The following RAB38 variants were observed in gnomAD, a reference collection of about 807,000 sequenced individuals.
The protein encoded by RAB38 is RAB38, member RAS oncogene family, also known as ras-related protein Rab-38.
A neutral mutation model predicts 18.4 loss-of-function variants in RAB38; 15 were observed. That is an observed-to-expected ratio of 0.82 (90% confidence interval 0.55 to 1.26). RAB38 has a LOEUF of 1.26. RAB38 is among the 50% of genes most tolerant of loss of function. The pLI is 0.00. For missense variants in RAB38, 294 were observed against 267.4 expected (o/e 1.10, Z -0.69); for synonymous variants, 101 against 104.4 (o/e 0.97, Z 0.20).
At chr11:87,879,212 T>A in the RAB38 span, among the ~76,000 whole-genome samples, 1 of 151,812 alleles carries the variant, frequency 6.6e-6, no homozygotes, top group East Asian at 2.0e-4. Context: ...AAGTTGAGCA[T>A]AAAAATTTTC....
the RAB38 span, among the ~76,000 whole-genome samples, chr11:87,951,671 C>G: frequency 6.6e-6 from 1 of 152,164 alleles, no homozygotes; most frequent in African/African-American, 2.4e-5. Flanking sequence ...ACTCCAGACC[C>G]TGTTTGCCTG....
chr11:87,946,961 G>T, the RAB38 span, among the ~76,000 whole-genome samples: 6 of 151,102 alleles, frequency 4.0e-5, no homozygotes, highest in African/African-American at 7.3e-5. Flanking sequence ...CTGAGGAATC[G>T]CCACACTGAC....
the RAB38 span, among the ~76,000 whole-genome samples, chr11:87,806,473 G>T: frequency 2.0e-5 from 3 of 151,988 alleles, no homozygotes; most frequent in African/African-American, 7.3e-5. Flanking sequence ...TCTCTCAAAG[G>T]CTCCATTCTC....
At chr11:87,938,899 G>T in the RAB38 span, among the ~76,000 whole-genome samples, 1 of 151,758 alleles carries the variant, frequency 6.6e-6, no homozygotes, top group South Asian at 2.1e-4. Context: ...TAAAATATAA[G>T]GTTTCAATTG....
the RAB38 span, among the ~76,000 whole-genome samples, chr11:87,847,461 A>G: frequency 1.3e-5 from 2 of 152,268 alleles, no homozygotes; most frequent in Non-Finnish European, 2.9e-5. Context: ...AAAGCTGAAT[A>G]GTCTTATGTA....
the RAB38 span, among the ~76,000 whole-genome samples, chr11:88,062,988 A>G: frequency 6.6e-6 from 1 of 152,200 alleles, no homozygotes; most frequent in Non-Finnish European, 1.5e-5. Context: ...TATGTTGGAA[A>G]TTCTCCAAAG....
At chr11:88,026,162 A>G in the RAB38 span, among the ~76,000 whole-genome samples, 1 of 152,016 alleles carries the variant, frequency 6.6e-6, no homozygotes, top group Non-Finnish European at 1.5e-5. Flanking sequence ...ACAGGGTTTC[A>G]CCATGTTGGT....
the RAB38 span, among the ~76,000 whole-genome samples, chr11:87,910,668 G>A: frequency 7.4e-6 from 1 of 135,018 alleles, no homozygotes; most frequent in Non-Finnish European, 1.5e-5. Context: ...TTGAGATGGA[G>A]TCTCTTTCTG....
At chr11:88,137,952 G>A (rs1164720588) in intron 2 of RAB38, among the ~76,000 whole-genome samples, 2 of 152,214 alleles carry the variant, frequency 1.3e-5, no homozygotes, top group Non-Finnish European at 2.9e-5. Context: ...CCCATCTAGA[G>A]AGTTAAAATT....
At chr11:87,863,759 T>C in the RAB38 span, among the ~76,000 whole-genome samples, 421 of 151,932 alleles carry the variant, frequency 2.8e-3, 2 homozygotes, top group East Asian at 0.032. Flanking sequence ...GTATAGCTCT[T>C]AAATCTTTAG....
the RAB38 span, among the ~76,000 whole-genome samples, chr11:88,052,935 T>TATAAATTATATC: frequency 2.3e-5 from 2 of 85,790 alleles, no homozygotes; most frequent in Admixed American, 1.8e-4. Context: ...TATATATATA[T>TATAAATTATATC]ATATATATAA....
the RAB38 span, among the ~76,000 whole-genome samples, chr11:87,846,580 A>C: frequency 7.4e-6 from 1 of 134,732 alleles, no homozygotes; most frequent in Non-Finnish European, 1.8e-5. Context: ...TACAGAATTA[A>C]AGAAATACAA....
chr11:88,131,035 A>G (rs989886531), intron 2 of RAB38, among the ~76,000 whole-genome samples: 5 of 152,172 alleles, frequency 3.3e-5, no homozygotes, highest in Non-Finnish European at 5.9e-5. Flanking sequence ...CCTTAATAAA[A>G]TAATCTTAAA....
chr11:88,019,915 C>T, the RAB38 span, among the ~76,000 whole-genome samples: 1 of 152,262 alleles, frequency 6.6e-6, no homozygotes, highest in East Asian at 1.9e-4. Flanking sequence ...GGTCTATCTC[C>T]TCCAAACACA....
chr11:88,065,310 T>A, the RAB38 span, among the ~76,000 whole-genome samples: 1 of 152,232 alleles, frequency 6.6e-6, no homozygotes, highest in Non-Finnish European at 1.5e-5. Context: ...AAACCATACA[T>A]CCTGGCATCT....
chr11:88,088,656 G>A, the RAB38 span, among the ~76,000 whole-genome samples: 39 of 151,868 alleles, frequency 2.6e-4, no homozygotes, highest in East Asian at 7.0e-3. Flanking sequence ...TTCCTGTCAC[G>A]ACCAGAGTTA....
the RAB38 span, among the ~76,000 whole-genome samples, chr11:87,900,149 C>T: frequency 1.3e-5 from 2 of 151,658 alleles, no homozygotes; most frequent in South Asian, 4.1e-4. Flanking sequence ...AATTGAAATA[C>T]ACAAGTGAGT....
chr11:88,041,679 A>G, the RAB38 span, among the ~76,000 whole-genome samples: 1 of 152,208 alleles, frequency 6.6e-6, no homozygotes, highest in Non-Finnish European at 1.5e-5. Context: ...AAAAATTTTA[A>G]TTACTTACTA....
chr11:87,878,542 T>A, the RAB38 span, among the ~76,000 whole-genome samples: 2 of 151,680 alleles, frequency 1.3e-5, no homozygotes, highest in African/African-American at 2.4e-5. Flanking sequence ...TCTGGAAGAA[T>A]TCATCCCAAG....
Sources: gnomAD v4.1 joint callset for allele counts (sites outside exome capture counted in the v4.1 genomes callset) on GRCh38, gnomAD v4.1.1 for gene constraint, MANE v1.5 for transcripts, NCBI Gene and HGNC (gene_info 2026-07-23, HGNC 2026-07-21) for gene names.